PDE2A: variants seen among roughly 807,000 people sequenced by gnomAD.
The protein encoded by PDE2A is phosphodiesterase 2A.
A neutral mutation model predicts 133.6 loss-of-function variants in PDE2A; 53 were observed. That is an observed-to-expected ratio of 0.40 (90% CI 0.32 to 0.50). PDE2A has a LOEUF of 0.50. PDE2A is among the 20% of genes least tolerant of loss of function. The pLI is 0.73. For synonymous variants in PDE2A, 491 were observed against 490.2 expected (o/e 1.00, Z -0.02); for missense variants, 796 against 1,232.4 (o/e 0.65, Z 5.30).
At chr11:72,636,926 G>A (rs910950165) in intron 2 of PDE2A, among the ~76,000 whole-genome samples, 1 of 152,158 alleles carries the variant, frequency 6.6e-6, no homozygotes, top group Non-Finnish European at 1.5e-5. Flanking sequence ...CCTTAACATG[G>A]CTTACAAGTC....
chr11:72,641,166 G>A (rs532762925), intron 2 of PDE2A, among the ~76,000 whole-genome samples: 22 of 152,158 alleles, frequency 1.4e-4, no homozygotes, highest in Non-Finnish European at 2.1e-4. Context: ...AGCCGCCCCC[G>A]TCAAGACCAG....
At chr11:72,601,938 T>A (rs1856766684) in intron 4 of PDE2A, among the ~76,000 whole-genome samples, 1 of 152,122 alleles carries the variant, frequency 6.6e-6, no homozygotes, top group Non-Finnish European at 1.5e-5. Flanking sequence ...ATTGCAGCCA[T>A]GTTGTCCTGG....
At chr11:72,619,007 C>T (rs77465832) in intron 2 of PDE2A, among the ~76,000 whole-genome samples, 2,138 of 152,320 alleles carry the variant, frequency 0.014, 64 homozygotes, top group African/African-American at 0.049. Context: ...TCCTTCCTCA[C>T]ATCCCGAGGA....
chr11:72,637,471 A>C (rs953624188), intron 2 of PDE2A, among the ~76,000 whole-genome samples: 8 of 152,252 alleles, frequency 5.3e-5, no homozygotes, highest in Admixed American at 3.3e-4. Context: ...CTGGAAGTAC[A>C]CATGTGTGAC....
At position 72,583,361 on chromosome 11, in the gene PDE2A, A is replaced by T. The variant is rs537789379; in HGVS notation, c.1728+77T>A. The stretch of plus-strand genomic sequence containing the variant: ...GCCTATCCTCTCATCCTCAGTAGAG[A>T]TTGATCAGGAAGCCCTGCCTGGCCC... On this transcript the variant is annotated intron_variant, in intron 20 of 30. Coordinates refer to ENST00000334456, the MANE Select transcript of PDE2A (RefSeq NM_002599.5). 4.7e-5 allele frequency: 47 copies of T among 1,000,406 alleles called. No homozygotes were observed. The South Asian group carries it at 6.0e-4, about 13-fold the overall frequency. 62.0% of individuals were successfully genotyped at this position (1,000,406 alleles called of 1,614,324 possible). A position where few individuals can be genotyped will look rare whatever the true frequency, so the allele number is the denominator to read the frequency against.
intron 1 of PDE2A, chr11:72,652,639 C>T (rs1052170212): frequency 8.8e-6 from 4 of 456,184 alleles, no homozygotes; most frequent in African/African-American, 8.0e-5. Context: ...GATCTATTCT[C>T]TCATTTAATC....
intron 4 of PDE2A, 51 bp downstream of exon 4, chr11:72,605,087 G>A (rs374167222): frequency 4.9e-6 from 6 of 1,216,994 alleles, no homozygotes; most frequent in Non-Finnish European, 7.2e-6. Flanking sequence ...CCTCAGCCCT[G>A]AGAATCCTTG....
intron 1 of PDE2A, among the ~76,000 whole-genome samples, chr11:72,656,629 C>T (rs1854908263): frequency 6.6e-6 from 1 of 152,104 alleles, no homozygotes; most frequent in Non-Finnish European, 1.5e-5. Flanking sequence ...ATAGCCCTTG[C>T]TGATGCAAAT....
intron 18 of PDE2A, 105 bp downstream of exon 18, chr11:72,584,445 TG>T (rs780624646): frequency 7.3e-7 from 1 of 1,376,796 alleles, no homozygotes; most frequent in South Asian, 1.2e-5. Context: ...GACTCCCTTA[TG>T]CTCCGGGACG....
chr11:72,647,215 G>T (rs867430008), intron 1 of PDE2A, among the ~76,000 whole-genome samples: 36 of 152,338 alleles, frequency 2.4e-4, no homozygotes, highest in Middle Eastern at 3.4e-3. Flanking sequence ...GCTTCCAAGG[G>T]CCTGTCTGCT....
rs970266401 is a variant in PDE2A, at chr11:72,651,271, A to G, written c.72-8945T>C. 2.0e-5 allele frequency among the ~76,000 whole-genome samples: 3 copies of G among 152,262 alleles called. No individual in the cohort carries two copies. In the East Asian group the frequency reaches 5.8e-4, roughly 29 times the overall value. On this transcript the variant is annotated intron_variant, in intron 1 of 30. Transcript: ENST00000334456. ...GATTGCAGGACTCTAAGACTCCAGC[A>G]CCTGGTTTCTATGCCCCTGAGAGCC... is the stretch of plus-strand genomic sequence containing the variant.
intron 4 of PDE2A, among the ~76,000 whole-genome samples, chr11:72,603,002 C>A (rs1438216319): frequency 2.0e-5 from 3 of 152,222 alleles, no homozygotes; most frequent in Non-Finnish European, 4.4e-5. Context: ...CCAGAGAGAG[C>A]ACTGGGCCTG....
chr11:72,662,078 C>G (rs1478545761), intron 1 of PDE2A, among the ~76,000 whole-genome samples: 1 of 152,026 alleles, frequency 6.6e-6, no homozygotes, highest in Non-Finnish European at 1.5e-5. Context: ...AGATTGTGTC[C>G]GGGTTTCGGT....
intron 2 of PDE2A, among the ~76,000 whole-genome samples, chr11:72,625,862 C>T (rs2135405604): frequency 6.6e-6 from 1 of 152,316 alleles, no homozygotes; most frequent in South Asian, 2.1e-4. Flanking sequence ...GGCCAGTGCA[C>T]ACGCTCTTCA....
At chr11:72,655,777 C>T (rs551739076) in intron 1 of PDE2A, among the ~76,000 whole-genome samples, 1 of 151,558 alleles carries the variant, frequency 6.6e-6, no homozygotes, top group African/African-American at 2.4e-5. Flanking sequence ...ATTAGTGTTA[C>T]TGTGAGTGTG....
At chr11:72,594,213 G>C (rs1856375465) in intron 6 of PDE2A, among the ~76,000 whole-genome samples, 1 of 152,242 alleles carries the variant, frequency 6.6e-6, no homozygotes, top group Admixed American at 6.5e-5. Context: ...AGGTGGATCA[G>C]TGGATGAATA....
chr11:72,583,416 C>G, intron 20 of PDE2A, 22 bp downstream of exon 20: 1 of 1,554,824 alleles, frequency 6.4e-7, no homozygotes, highest in East Asian at 2.2e-5. Flanking sequence ...GGAGGAGGAC[C>G]AGAGGTCTCT....
intron 4 of PDE2A, among the ~76,000 whole-genome samples, chr11:72,602,868 C>A (rs1486669916): frequency 6.6e-6 from 1 of 152,206 alleles, no homozygotes; most frequent in Admixed American, 6.5e-5. Flanking sequence ...GGTCTCAAGT[C>A]CCCATCCTGC....
chr11:72,581,962 G>A lies in PDE2A; in HGVS notation c.1852-15C>T. ...CTCAGGATGGCCTGGAGAGGGCAGA[G>A]GGAGGTATCAGAGGGGCTGCCAGTA... On this transcript the variant is annotated splice_polypyrimidine_tract_variant and intron_variant, in intron 21 of 30. Transcript: ENST00000334456. 1.2e-6 allele frequency: 2 copies of A among 1,611,282 alleles called. No homozygotes were observed. The highest frequency in any genetic ancestry group is 2.2e-5 in the South Asian group (2 of 91,000).
Sources: allele counts gnomAD v4.1 joint callset (sites outside exome capture counted in the v4.1 genomes callset), GRCh38; gene constraint gnomAD v4.1.1; transcripts MANE v1.5; gene names NCBI Gene and HGNC (gene_info 2026-07-23, HGNC 2026-07-21).